The following TTI1 variants were observed in gnomAD, a reference collection of about 807,000 sequenced individuals.
TTI1 encodes the protein TELO2-interacting protein 1 homolog.
A neutral mutation model predicts 85.4 loss-of-function variants in TTI1; 52 were observed. That is an observed-to-expected ratio of 0.61 (90% CI 0.49 to 0.77). The LOEUF is 0.77. Among genes scored for constraint, TTI1 ranks in the 30% least tolerant of loss-of-function variants. The probability of loss-of-function intolerance (pLI) is 0.00; values close to 1 mark genes in which losing one functional copy is unlikely to be tolerated. For missense variants in TTI1, 1,173 were observed against 1,296.0 expected (o/e 0.91, Z 1.46); for synonymous variants, 512 against 503.9 (o/e 1.02, Z -0.22).
chr20:37,994,465 G>GCCCA (rs1222487969), intron 7 of TTI1, among the ~76,000 whole-genome samples: 1 of 148,666 alleles, frequency 6.7e-6, no homozygotes, highest in Non-Finnish European at 1.5e-5. Context: ...ATACTAAGTG[G>GCCCA]CCCACCCACC....
At chr20:38,030,235 G>C (rs868756043) in intron 1 of TTI1, among the ~76,000 whole-genome samples, 534 of 151,232 alleles carry the variant, frequency 3.5e-3, no homozygotes, top group African/African-American at 0.012. Flanking sequence ...GGAGGGAGGA[G>C]GGAGGAAGGA....
chr20:37,988,772 G>T (rs1400789462), intron 7 of TTI1, among the ~76,000 whole-genome samples: 1 of 152,326 alleles, frequency 6.6e-6, no homozygotes, highest in South Asian at 2.1e-4. Flanking sequence ...GTTAAATGCA[G>T]TGGGAAAGTA....
rs555338396 is a variant in TTI1 at position 37,997,672 on chromosome 20, C to T, written c.2794-719G>A. On this transcript the variant is annotated intron_variant, in intron 5 of 7. Coordinates refer to ENST00000373447, the MANE Select transcript of TTI1 (RefSeq NM_001303457.2). ...AAATTGGTAAGCAAGGCATAACCAG[C>T]ACAGTGTTTGCTCATTTTGCAGAGA... Among the ~76,000 whole-genome samples the T allele has an allele frequency of 1.2e-4, 19 of 152,086 alleles. No individual in the cohort carries two copies. The South Asian group carries it at 3.7e-3, about 30-fold the overall frequency.
At chr20:38,029,572 G>C (rs931199591) in intron 1 of TTI1, among the ~76,000 whole-genome samples, 8 of 148,280 alleles carry the variant, frequency 5.4e-5, no homozygotes, top group Admixed American at 1.3e-4. Flanking sequence ...GTGAGCAAGA[G>C]AGAGAGAGAG....
chr20:38,010,467 C>CTTTTTTT (rs764386880), intron 2 of TTI1, among the ~76,000 whole-genome samples: 5 of 104,432 alleles, frequency 4.8e-5, no homozygotes, highest in African/African-American at 7.7e-5. Flanking sequence ...TTTGCCATTC[C>CTTTTTTT]TTTTTTTTTT....
chr20:38,010,798 C>T (rs1430889103), intron 2 of TTI1, among the ~76,000 whole-genome samples: 2 of 152,114 alleles, frequency 1.3e-5, no homozygotes, highest in Non-Finnish European at 1.5e-5. Flanking sequence ...CTAATAGTGG[C>T]TAACATCTTC....
chr20:38,029,332 T>C (rs1478405893), intron 1 of TTI1, among the ~76,000 whole-genome samples: 1 of 151,960 alleles, frequency 6.6e-6, no homozygotes, highest in African/African-American at 2.4e-5. Context: ...AAATTAATAG[T>C]ACTAAGTCAT....
At chr20:38,025,738 C>T (rs1181524097) in intron 1 of TTI1, among the ~76,000 whole-genome samples, 1 of 151,142 alleles carries the variant, frequency 6.6e-6, no homozygotes, top group African/African-American at 2.4e-5. Flanking sequence ...TAGAAAGCCT[C>T]GAAAAAGAAA....
In TTI1 at chr20:37,999,199, TA is replaced by T; in HGVS notation, c.2781del (p.Arg928GlufsTer33). On this transcript the variant is annotated frameshift_variant, in exon 5 of 8. Coordinates refer to ENST00000373447, the MANE Select transcript of TTI1 (RefSeq NM_001303457.2). LOFTEE classifies it high-confidence loss of function. ...TGCTGGTGCAGTACCTTGAAGGCTC[TA>T]AGCACTGCCAGGGGGGCGTCCCGTG... is the stretch of plus-strand genomic sequence containing the variant. Reference protein sequence around the residue: ...RLTRDAPLAVLRAFKVLRTLG... With the variant: ...RLTRDAPLAVXRAFKVLRTLG... 1 of 1,471,238 alleles carries T rather than the reference TA, an allele frequency of 6.8e-7. No homozygotes were observed. The highest frequency in any genetic ancestry group is 9.0e-7 in the Non-Finnish European group (1 of 1,106,916). 91.1% of individuals were successfully genotyped at this position (1,471,238 alleles called of 1,614,324 possible).
chr20:38,006,541 A>C, intron 2 of TTI1, 144 bp from the exon 3 acceptor site: 1 of 828,192 alleles, frequency 1.2e-6, no homozygotes, highest in Non-Finnish European at 1.9e-6. Context: ...CCAGTTGCCC[A>C]TTAACTCATC....
intron 1 of TTI1, among the ~76,000 whole-genome samples, chr20:38,016,811 C>T (rs542074182): frequency 1.3e-5 from 2 of 152,180 alleles, no homozygotes; most frequent in African/African-American, 4.8e-5. Context: ...AAAATCTGAT[C>T]GCAATTCTCT....
chr20:38,013,899 G>T, intron 1 of TTI1, 42 bp from the exon 2 acceptor site: 1 of 1,518,002 alleles, frequency 6.6e-7, no homozygotes, highest in Non-Finnish European at 8.8e-7. Context: ...CAAGTTCAAA[G>T]CAAGTATGAA....
At chr20:38,006,813 T>G (rs975510631) in intron 2 of TTI1, among the ~76,000 whole-genome samples, 2 of 152,226 alleles carry the variant, frequency 1.3e-5, no homozygotes, top group African/African-American at 4.8e-5. Context: ...ATTATATATT[T>G]GCGTATCTAT....
chr20:37,988,423 C>A (rs2073221118), intron 7 of TTI1, among the ~76,000 whole-genome samples: 1 of 152,236 alleles, frequency 6.6e-6, no homozygotes, highest in Non-Finnish European at 1.5e-5. Context: ...TTCTCACCAT[C>A]TCTGTCTAGA....
chr20:38,002,734 C>T lies in TTI1; in HGVS notation c.2546G>A (p.Arg849His), dbSNP rs147058267. The part of the protein sequence containing the change: ...VPPKVDENDT[R>H]PDVEPPLPLQ... Reference sequence around the variant, plus strand: ...TGGCAGTGGTGGCTCCACATCTGGACGGGTGTCATTCTCATCCACTTTGGG... The same window carrying T: ...TGGCAGTGGTGGCTCCACATCTGGATGGGTGTCATTCTCATCCACTTTGGG... Residue 849 changes from arginine (R) to histidine (H), a missense_variant, in exon 4 of 8, where the codon CGT (arginine) becomes CAT (histidine). Transcript: ENST00000373447. The T allele has an allele frequency of 1.1e-3, 1,774 of 1,614,194 alleles. 33 individuals are homozygous for T. In the South Asian group the frequency reaches 0.015, roughly 14 times the overall value.
intron 1 of TTI1, among the ~76,000 whole-genome samples, chr20:38,020,421 A>C (rs1342586266): frequency 6.7e-6 from 1 of 148,550 alleles, no homozygotes; most frequent in East Asian, 2.0e-4. Flanking sequence ...TTTCCAAAGG[A>C]AACAGACAAG....
chr20:37,983,211 T>G lies in TTI1; in HGVS notation c.*245A>C, dbSNP rs903246105. 3 of 436,648 alleles carry G rather than the reference T, an allele frequency of 6.9e-6. No homozygotes were observed. Among genetic ancestry groups the G allele is most frequent in the Admixed American group, 8.1e-5 (2 of 24,654 alleles). The allele number at this position is 436,648 out of a possible 1,614,324, so 27.0% of individuals were successfully genotyped here. Reference sequence around the variant, plus strand: ...CTATAGAGATGGTAGGCTAAGGGGTTAAACCCTTAGAGCCACCAGACAATG... The same window carrying G: ...CTATAGAGATGGTAGGCTAAGGGGTGAAACCCTTAGAGCCACCAGACAATG... On this transcript the variant is annotated 3_prime_UTR_variant, in exon 8 of 8. Coordinates refer to ENST00000373447, the MANE Select transcript of TTI1 (RefSeq NM_001303457.2).
chr20:37,987,344 G>C (rs1392783284), intron 7 of TTI1: 4 of 456,632 alleles, frequency 8.8e-6, no homozygotes, highest in Non-Finnish European at 1.8e-5. Context: ...TGAAGTGACT[G>C]GGGTAACTGC....
At chr20:38,007,451 C>T (rs1038269517) in intron 2 of TTI1, among the ~76,000 whole-genome samples, 1 of 152,190 alleles carries the variant, frequency 6.6e-6, no homozygotes, top group South Asian at 2.1e-4. Context: ...ACAGGGAGGG[C>T]ACCAAGAGAC....
Sources: gnomAD v4.1 joint callset for allele counts (sites outside exome capture counted in the v4.1 genomes callset) on GRCh38, gnomAD v4.1.1 for gene constraint, MANE v1.5 for transcripts, NCBI Gene and HGNC (gene_info 2026-07-23, HGNC 2026-07-21) for gene names.